Variants in HDAC9 observed in about 807,000 individuals in gnomAD.
HDAC9 encodes histone deacetylase 9, also known as MEF-2 interacting transcription repressor (MITR) protein.
In HDAC9, 41 loss-of-function variants were observed where a neutral mutation model predicts 139.4. The observed-to-expected ratio is 0.29, with a 90% confidence interval of 0.23 to 0.38. The LOEUF is 0.38. HDAC9 is among the 10% of genes least tolerant of loss of function. The pLI, the probability that HDAC9 is intolerant of heterozygous loss-of-function variation, is 1.00. For synonymous variants in HDAC9, 517 were observed against 476.2 expected (o/e 1.09, Z -1.12); for missense variants, 1,147 against 1,297.0 (o/e 0.88, Z 1.78).
At chr7:18,215,388 A>C (rs1792234344) in intron 2 of HDAC9, among the ~76,000 whole-genome samples, 1 of 152,190 alleles carries the variant, frequency 6.6e-6, no homozygotes, top group Non-Finnish European at 1.5e-5. Flanking sequence ...ATTAATATAC[A>C]TCAGTTTTCT....
intron 17 of HDAC9, among the ~76,000 whole-genome samples, chr7:18,794,897 G>T (rs776793429): frequency 1.3e-5 from 2 of 152,198 alleles, no homozygotes; most frequent in African/African-American, 4.8e-5. Flanking sequence ...TATTATGTTA[G>T]CTTTCACAAT....
intron 1 of HDAC9, among the ~76,000 whole-genome samples, chr7:18,478,175 C>G (rs1032801116): frequency 6.6e-6 from 1 of 152,052 alleles, no homozygotes; most frequent in Non-Finnish European, 1.5e-5. Flanking sequence ...GGGTTCACGC[C>G]GTTTTCCTGC....
At chr7:18,962,453 G>C (rs1783587242) in intron 24 of HDAC9, among the ~76,000 whole-genome samples, 1 of 152,010 alleles carries the variant, frequency 6.6e-6, no homozygotes, top group Non-Finnish European at 1.5e-5. Context: ...CCTAATACTA[G>C]AATGTATCAG....
chr7:18,825,289 G>T (rs912610133), intron 17 of HDAC9, among the ~76,000 whole-genome samples: 1 of 152,148 alleles, frequency 6.6e-6, no homozygotes, highest in East Asian at 1.9e-4. Flanking sequence ...ACTTGGACTT[G>T]AGTAATTTCA....
At chr7:18,843,109 C>T (rs549726968) in intron 21 of HDAC9, among the ~76,000 whole-genome samples, 17 of 152,154 alleles carry the variant, frequency 1.1e-4, no homozygotes, top group Admixed American at 1.0e-3. Context: ...ATCTGTATAG[C>T]AATTAAACAA....
At chr7:18,896,670 T>C (rs1026369198) in intron 22 of HDAC9, among the ~76,000 whole-genome samples, 3 of 152,104 alleles carry the variant, frequency 2.0e-5, no homozygotes, top group African/African-American at 7.2e-5. Flanking sequence ...CCAGACTAAA[T>C]AATTTTAACA....
chr7:18,276,425 C>G (rs746586490), intron 2 of HDAC9, among the ~76,000 whole-genome samples: 5 of 152,180 alleles, frequency 3.3e-5, no homozygotes, highest in Middle Eastern at 3.2e-3. Flanking sequence ...AATGTCTTGC[C>G]TAATGCATTC....
At chr7:18,412,966 A>C (rs1290978896) in intron 1 of HDAC9, among the ~76,000 whole-genome samples, 1 of 152,230 alleles carries the variant, frequency 6.6e-6, no homozygotes, top group Non-Finnish European at 1.5e-5. Context: ...TACATTAGAA[A>C]CAAGTGCCAG....
intron 12 of HDAC9, among the ~76,000 whole-genome samples, chr7:18,713,405 AG>A (rs1476246133): frequency 6.6e-6 from 1 of 152,232 alleles, no homozygotes; most frequent in Non-Finnish European, 1.5e-5. Flanking sequence ...ATGTAAGAAC[AG>A]AGACACAAAA....
chr7:18,756,596 T>C (rs1192756593), intron 14 of HDAC9, among the ~76,000 whole-genome samples: 1 of 152,224 alleles, frequency 6.6e-6, no homozygotes, highest in African/African-American at 2.4e-5. Flanking sequence ...TTCTATTGCG[T>C]GTAAGGTTAT....
intron 8 of HDAC9, among the ~76,000 whole-genome samples, chr7:18,639,598 A>G (rs1456216184): frequency 6.6e-6 from 1 of 152,098 alleles, no homozygotes; most frequent in East Asian, 1.9e-4. Flanking sequence ...GGAGATTTTA[A>G]TTTTCTATGA....
At chr7:18,667,061 G>A (rs558125506) in intron 12 of HDAC9, 1 of 985,310 alleles carries the variant, frequency 1.0e-6, no homozygotes, top group Admixed American at 6.2e-5. Context: ...GTAGTCCTAG[G>A]TTATTGTGTA....
At chr7:18,437,599 A>G (rs1168902018) in intron 1 of HDAC9, among the ~76,000 whole-genome samples, 2 of 150,314 alleles carry the variant, frequency 1.3e-5, no homozygotes, top group Non-Finnish European at 3.0e-5. Flanking sequence ...TAAACTTTAT[A>G]TAAAGTATGA....
chr7:18,966,345 C>CT (rs1783844117), intron 24 of HDAC9, among the ~76,000 whole-genome samples: 1 of 152,206 alleles, frequency 6.6e-6, no homozygotes, highest in Non-Finnish European at 1.5e-5. Context: ...ATTGCTGCCA[C>CT]TTGGCACACC....
chr7:18,651,336 C>G (rs528001021), intron 11 of HDAC9, among the ~76,000 whole-genome samples: 33 of 152,238 alleles, frequency 2.2e-4, no homozygotes, highest in South Asian at 2.1e-3. Context: ...GCAGGAAATA[C>G]AGGCACACAT....
At chr7:18,438,645 C>CGT (rs5882662) in intron 1 of HDAC9, among the ~76,000 whole-genome samples, 1,484 of 148,028 alleles carry the variant, frequency 0.01, 8 homozygotes, top group Non-Finnish European at 0.014. Context: ...GCTGTGTGTG[C>CGT]GTGTGTGTGT....
At chr7:18,690,540 G>A (rs189154359) in intron 12 of HDAC9, among the ~76,000 whole-genome samples, 150 of 151,958 alleles carry the variant, frequency 9.9e-4, no homozygotes, top group African/African-American at 3.5e-3. Flanking sequence ...TTTCTTTTCT[G>A]GAATTAGAGC....
At chr7:18,709,889 G>A (rs140796188) in intron 12 of HDAC9, among the ~76,000 whole-genome samples, 3 of 152,142 alleles carry the variant, frequency 2.0e-5, no homozygotes, top group Non-Finnish European at 4.4e-5. Flanking sequence ...CCAGAGTTCT[G>A]CCAGGGTCCT....
At chr7:18,453,563 T>A (rs146220116) in intron 1 of HDAC9, among the ~76,000 whole-genome samples, 46 of 152,306 alleles carry the variant, frequency 3.0e-4, no homozygotes, top group African/African-American at 8.7e-4. Context: ...CCTAAACTAG[T>A]GCCTGGGAGG....
Sources: allele counts gnomAD v4.1 joint callset (sites outside exome capture counted in the v4.1 genomes callset), GRCh38; gene constraint gnomAD v4.1.1; transcripts MANE v1.5; gene names NCBI Gene and HGNC (gene_info 2026-07-23, HGNC 2026-07-21).